Variants in MYO9A observed in about 807,000 individuals in gnomAD.
MYO9A encodes the protein myosin IXA.
In MYO9A, 103 loss-of-function variants were observed where a neutral mutation model predicts 293.3. The observed-to-expected ratio is 0.35, with a 90% confidence interval of 0.30 to 0.41. MYO9A has a LOEUF of 0.41. Among genes scored for constraint, MYO9A ranks in the 10% least tolerant of loss-of-function variants. The probability of loss-of-function intolerance (pLI) is 1.00; values close to 1 mark genes in which losing one functional copy is unlikely to be tolerated. For synonymous variants in MYO9A, 1,001 were observed against 1,035.7 expected (o/e 0.97, Z 0.64); for missense variants, 2,685 against 3,033.0 (o/e 0.89, Z 2.69).
chr15:71,986,318 G>C (rs919848222), intron 11 of MYO9A, among the ~76,000 whole-genome samples: 1 of 152,130 alleles, frequency 6.6e-6, no homozygotes, highest in Non-Finnish European at 1.5e-5. Flanking sequence ...TCAGCAGGGG[G>C]TCCTGAAACC....
At chr15:71,959,794 C>A in intron 14 of MYO9A, 107 bp downstream of exon 14, 1 of 999,200 alleles carries the variant, frequency 1.0e-6, no homozygotes, top group Non-Finnish European at 1.4e-6. Context: ...GGATTTTTGT[C>A]CTTGAGAATC....
rs531500707 is a variant in MYO9A at position 72,056,281 on chromosome 15, C to T, written c.-71-9647G>A. Among the ~76,000 whole-genome samples, 25 of 152,258 alleles carry T rather than the reference C, an allele frequency of 1.6e-4. No individual in the cohort carries two copies. In the South Asian group the frequency reaches 5.0e-3, roughly 30 times the overall value. On this transcript the variant is annotated intron_variant, in intron 1 of 41. Transcript: ENST00000356056. ...GAAGTCATTTATACAAAAAAAGATA[C>T]TCCCACAGGCATGTTTATAGCAGCA... is the stretch of plus-strand genomic sequence containing the variant.
intron 5 of MYO9A, among the ~76,000 whole-genome samples, chr15:72,019,371 T>C (rs1157918917): frequency 1.3e-5 from 2 of 152,182 alleles, no homozygotes; most frequent in East Asian, 1.9e-4. Flanking sequence ...GAATATATTA[T>C]GGTCATTAAT....
rs144833342 is a variant in MYO9A at position 71,897,714 on chromosome 15, T to C, written c.4789A>G (p.Lys1597Glu). 9.3e-6 allele frequency: 15 copies of C among 1,614,092 alleles called. No individual in the cohort carries two copies. Among genetic ancestry groups the C allele is most frequent in the Non-Finnish European group, 1.1e-5 (13 of 1,180,014 alleles). Residue 1597 changes from lysine to glutamate, a missense_variant, in exon 25 of 42, where the codon AAG becomes GAG. Physicochemically the swap from Lys to Glu is moderately conservative, Grantham distance 56. Around this residue, in one of 10 missense-constraint regions of MYO9A, gnomAD observed 1,434 missense variants for 1,497.7 expected, o/e 0.96. Transcript: ENST00000356056. ...AAGAACACGGTGACAGGTCGGTCCT[T>C]TGGGGGTAAGTGAGCAGAGGAACTG... is the stretch of plus-strand genomic sequence containing the variant. ...KDSSSAHLPP[K>E]DRPVTVFFER...
At chr15:72,076,602 C>T (rs1171967823) in intron 1 of MYO9A, among the ~76,000 whole-genome samples, 2 of 152,072 alleles carry the variant, frequency 1.3e-5, no homozygotes, top group African/African-American at 2.4e-5. Flanking sequence ...AAATTAAAAT[C>T]TCAATGAATG....
chr15:71,927,987 T>C (rs1312682267), intron 18 of MYO9A, among the ~76,000 whole-genome samples: 4 of 127,416 alleles, frequency 3.1e-5, no homozygotes, highest in Non-Finnish European at 6.8e-5. Flanking sequence ...GTATATTTTC[T>C]TCTGCCAGCT....
chr15:71,892,687 T>C (rs1050726434), intron 26 of MYO9A: 8 of 187,862 alleles, frequency 4.3e-5, no homozygotes, highest in Non-Finnish European at 8.9e-5. Context: ...ACAGAAAAAA[T>C]GTAAGGACCA....
intron 1 of MYO9A, among the ~76,000 whole-genome samples, chr15:72,074,713 T>C (rs922644950): frequency 6.6e-6 from 1 of 152,168 alleles, no homozygotes; most frequent in African/African-American, 2.4e-5. Flanking sequence ...TCAAGTGCAG[T>C]GCTAAAGCAG....
At chr15:72,101,064 G>A (rs2080285829) in intron 1 of MYO9A, among the ~76,000 whole-genome samples, 3 of 143,890 alleles carry the variant, frequency 2.1e-5, no homozygotes, top group Admixed American at 2.0e-4. Flanking sequence ...CAGGGAGGGA[G>A]GTGGGGGGTT....
intron 39 of MYO9A, among the ~76,000 whole-genome samples, chr15:71,836,676 A>T (rs946360318): frequency 6.6e-6 from 1 of 152,220 alleles, no homozygotes; most frequent in East Asian, 1.9e-4. Context: ...TCTTACACAC[A>T]TAAGGTTGAC....
Position 71,898,655 on chromosome 15 carries a change from G to C in MYO9A, c.3848C>G (p.Ala1283Gly), listed in dbSNP as rs751664418. 1 of 1,613,800 alleles carries C rather than the reference G, an allele frequency of 6.2e-7. No individual in the cohort carries two copies. The stretch of plus-strand genomic sequence containing the variant: ...TTTCAGCAATTCTAAGCTAAATATA[G>C]CTTGCTCTAGTTCTCTCATTCTCCT... ...ESRRMRELEQ[A>G]IFSLELLKVR... The change falls in exon 25 of 42, where the codon GCT (alanine) becomes GGT (glycine). Residue 1283 changes from alanine (A) to glycine (G), a missense_variant. Ala to Gly is a moderately conservative substitution (Grantham distance 60). Coordinates refer to ENST00000356056, the MANE Select transcript of MYO9A (RefSeq NM_006901.4).
intron 14 of MYO9A, among the ~76,000 whole-genome samples, chr15:71,956,059 C>T (rs1180360850): frequency 1.3e-5 from 2 of 149,572 alleles, no homozygotes; most frequent in Non-Finnish European, 3.0e-5. Context: ...CCCAGACACT[C>T]GGGGGGAGGC....
chr15:71,974,039 C>G (rs2076078039), intron 12 of MYO9A, among the ~76,000 whole-genome samples: 1 of 152,172 alleles, frequency 6.6e-6, no homozygotes, highest in Admixed American at 6.5e-5. Flanking sequence ...CAGGAATAGT[C>G]ACCGACTCTG....
chr15:72,055,687 C>A (rs1262037839), intron 1 of MYO9A, among the ~76,000 whole-genome samples: 2 of 151,816 alleles, frequency 1.3e-5, no homozygotes, highest in Non-Finnish European at 2.9e-5. Flanking sequence ...AGAAGATACA[C>A]AAAAGGTCAA....
chr15:72,041,090 C>T (rs2078213415), intron 2 of MYO9A: 1 of 483,550 alleles, frequency 2.1e-6, no homozygotes, highest in Non-Finnish European at 4.0e-6. Context: ...ACAAAAAATA[C>T]AAAAATTAGC....
At chr15:72,017,010 CTTTTTTTTTTTTTTT>C (rs61153023) in intron 6 of MYO9A, among the ~76,000 whole-genome samples, 5 of 58,276 alleles carry the variant, frequency 8.6e-5, no homozygotes, top group Non-Finnish European at 1.2e-4. Context: ...GAGCCCAAAT[CTTTTTTTTTTTTTTT>C]TTTTTTTTTT....
intron 15 of MYO9A, 43 bp from the exon 16 acceptor site, chr15:71,938,970 GA>G: frequency 7.0e-7 from 1 of 1,434,710 alleles, no homozygotes; most frequent in Non-Finnish European, 9.6e-7. Flanking sequence ...TCAGTGCAAA[GA>G]AAAATGAAAC....
chr15:71,903,380 A>C (rs1170436271), intron 21 of MYO9A, among the ~76,000 whole-genome samples: 2 of 152,098 alleles, frequency 1.3e-5, no homozygotes, highest in African/African-American at 2.4e-5. Flanking sequence ...TCTATCAGGA[A>C]AAAAAAAGCA....
intron 1 of MYO9A, among the ~76,000 whole-genome samples, chr15:72,109,812 C>A (rs532976464): frequency 6.6e-6 from 1 of 151,538 alleles, no homozygotes; most frequent in South Asian, 2.1e-4. Context: ...TCAAGAATCA[C>A]TTGAACCTCG....
Sources: allele counts gnomAD v4.1 joint callset (sites outside exome capture counted in the v4.1 genomes callset), GRCh38; gene constraint gnomAD v4.1.1; regional missense constraint gnomAD v4.1.1; transcripts MANE v1.5; gene names NCBI Gene and HGNC (gene_info 2026-07-23, HGNC 2026-07-21).